Variants in FARS2 observed in about 807,000 individuals in gnomAD.
The protein encoded by FARS2 is phenylalanine--tRNA ligase, mitochondrial.
In FARS2, 40 loss-of-function variants were observed where a neutral mutation model predicts 46.4. The ratio of observed to expected loss-of-function variants is 0.86; its 90% CI spans 0.67 to 1.12. The LOEUF is 1.12. FARS2 is among the 50% of genes most tolerant of loss of function. The pLI, the probability that FARS2 is intolerant of heterozygous loss-of-function variation, is 0.00. For synonymous variants in FARS2, 234 were observed against 214.9 expected (o/e 1.09, Z -0.78); for missense variants, 513 against 567.9 (o/e 0.90, Z 0.98).
chr6:5,723,146 G>C (rs1250193232), intron 6 of FARS2, among the ~76,000 whole-genome samples: 1 of 152,096 alleles, frequency 6.6e-6, no homozygotes, highest in Non-Finnish European at 1.5e-5. Flanking sequence ...GTAAGGGTGA[G>C]TGAGTGAAGG....
intron 4 of FARS2, among the ~76,000 whole-genome samples, chr6:5,520,240 C>T (rs1769049074): frequency 6.6e-6 from 1 of 152,038 alleles, no homozygotes; most frequent in Non-Finnish European, 1.5e-5. Context: ...TTTCTAGGTT[C>T]CTGAGGCCCC....
In FARS2 at chr6:5,361,751, T is replaced by C. The variant is rs77603487; in HGVS notation, c.-21-6799T>C. Among the ~76,000 whole-genome samples, 240 of 152,354 alleles carry C rather than the reference T, an allele frequency of 1.6e-3. 1 individual carries two copies. The highest frequency in any genetic ancestry group is 5.7e-3 in the African/African-American group (236 of 41,592). On this transcript the variant is annotated intron_variant, in intron 1 of 6. Transcript: ENST00000274680. ...AGTATTGCATCTGGTGGTTATGGAT[T>C]GTGCTTGAACACTTTTGTCTAGTGG...
At chr6:5,348,427 A>G (rs918836860) in intron 1 of FARS2, among the ~76,000 whole-genome samples, 1 of 146,616 alleles carries the variant, frequency 6.8e-6, no homozygotes, top group South Asian at 2.2e-4. Flanking sequence ...CTTACTGGCC[A>G]TTTCCCAAAT....
At chr6:5,549,349 A>C (rs1007283745) in intron 5 of FARS2, among the ~76,000 whole-genome samples, 2 of 152,154 alleles carry the variant, frequency 1.3e-5, no homozygotes, top group African/African-American at 2.4e-5. Context: ...ACTCCACGAC[A>C]GACCCTGGTG....
intron 6 of FARS2, among the ~76,000 whole-genome samples, chr6:5,744,058 G>T (rs761291734): frequency 6.6e-6 from 1 of 152,204 alleles, no homozygotes; most frequent in Middle Eastern, 3.2e-3. Context: ...AGACAGGATT[G>T]GTTTAGGAAC....
chr6:5,510,684 C>T (rs943251747), intron 4 of FARS2, among the ~76,000 whole-genome samples: 3 of 152,322 alleles, frequency 2.0e-5, no homozygotes, highest in East Asian at 1.9e-4. Flanking sequence ...GAAGCGAGTA[C>T]GTGAGTGCTG....
chr6:5,329,717 C>G (rs1244675284), intron 1 of FARS2, among the ~76,000 whole-genome samples: 1 of 152,192 alleles, frequency 6.6e-6, no homozygotes, highest in East Asian at 1.9e-4. Context: ...ATCGTACTTA[C>G]TATTAACAGT....
chr6:5,465,395 A>G (rs1765456857), intron 4 of FARS2, among the ~76,000 whole-genome samples: 1 of 152,244 alleles, frequency 6.6e-6, no homozygotes, highest in African/African-American at 2.4e-5. Context: ...TGTTAATACT[A>G]GTTTAAAGTT....
At chr6:5,611,797 A>G (rs1775200932) in intron 5 of FARS2, among the ~76,000 whole-genome samples, 1 of 152,114 alleles carries the variant, frequency 6.6e-6, no homozygotes, top group South Asian at 2.1e-4. Context: ...CACGTGTTTC[A>G]TTGGGACACC....
chr6:5,293,605 T>C (rs1767649502), intron 1 of FARS2, among the ~76,000 whole-genome samples: 1 of 152,242 alleles, frequency 6.6e-6, no homozygotes, highest in South Asian at 2.1e-4. Context: ...AGAAAAGTTA[T>C]TATTTAATAA....
At chr6:5,640,323 G>A (rs376320531) in intron 6 of FARS2, among the ~76,000 whole-genome samples, 1 of 152,106 alleles carries the variant, frequency 6.6e-6, no homozygotes, top group Non-Finnish European at 1.5e-5. Context: ...AAGGTCTCAC[G>A]GCCATTAAGC....
intron 2 of FARS2, among the ~76,000 whole-genome samples, chr6:5,372,209 A>C (rs1476739315): frequency 6.6e-6 from 1 of 152,182 alleles, no homozygotes; most frequent in Non-Finnish European, 1.5e-5. Context: ...AGAAGATTTT[A>C]AGTGACCTTG....
intron 6 of FARS2, among the ~76,000 whole-genome samples, chr6:5,692,961 G>A (rs1057073664): frequency 6.6e-6 from 1 of 152,110 alleles, no homozygotes; most frequent in Non-Finnish European, 1.5e-5. Context: ...CAGAAATGAG[G>A]ATCCTTATAG....
At chr6:5,267,940 T>G (rs1765663063) in intron 1 of FARS2, among the ~76,000 whole-genome samples, 1 of 152,004 alleles carries the variant, frequency 6.6e-6, no homozygotes, top group African/African-American at 2.4e-5. Context: ...GATTTGCATT[T>G]CTCTGATGGC....
chr6:5,300,489 C>A (rs1375533105), intron 1 of FARS2, among the ~76,000 whole-genome samples: 1 of 151,818 alleles, frequency 6.6e-6, no homozygotes, highest in Non-Finnish European at 1.5e-5. Context: ...AATTTCATGA[C>A]GGTTGTGGGG....
intron 3 of FARS2, among the ~76,000 whole-genome samples, chr6:5,425,877 A>G (rs749642353): frequency 1.3e-5 from 2 of 152,198 alleles, no homozygotes; most frequent in Non-Finnish European, 2.9e-5. Context: ...CTGGGCTCCC[A>G]CAGGGTCTTT....
upstream of FARS2, among the ~76,000 whole-genome samples, chr6:5,256,215 C>T (rs557467406): frequency 6.6e-5 from 10 of 151,970 alleles, no homozygotes; most frequent in East Asian, 5.8e-4. Flanking sequence ...CTTGGCCAGG[C>T]GCGGTGGCTC....
At position 5,764,435 on chromosome 6, in the gene FARS2, C is replaced by T. The variant is rs968354951; in HGVS notation, c.1218-6856C>T. On this transcript the variant is annotated intron_variant, in intron 6 of 6. Coordinates refer to ENST00000274680, the MANE Select transcript of FARS2 (RefSeq NM_006567.5). This position sits in a 1 kb window ranked among gnomAD's most constrained non-coding sequence, Gnocchi z 4.1. Reference sequence around the variant, plus strand: ...CTAAAGCATTGCACGTATTGACCCTCGCAGCCATGCACAGTGCCTCTGACG... The same window carrying T: ...CTAAAGCATTGCACGTATTGACCCTTGCAGCCATGCACAGTGCCTCTGACG... 2.6e-5 allele frequency among the ~76,000 whole-genome samples: 4 copies of T among 152,108 alleles called. No individual in the cohort carries two copies. Among genetic ancestry groups the T allele is most frequent in the Non-Finnish European group, 5.9e-5 (4 of 68,024 alleles).
intron 1 of FARS2, among the ~76,000 whole-genome samples, chr6:5,268,931 T>G (rs1765744973): frequency 6.6e-6 from 1 of 152,120 alleles, no homozygotes; most frequent in African/African-American, 2.4e-5. Flanking sequence ...CCCTTGTAGG[T>G]TGGATTCCTA....
Sources: gnomAD v4.1 joint callset for allele counts (sites outside exome capture counted in the v4.1 genomes callset) on GRCh38, gnomAD v4.1.1 for gene constraint, Gnocchi (gnomAD v3.1) non-coding constraint, MANE v1.5 for transcripts, NCBI Gene and HGNC (gene_info 2026-07-23, HGNC 2026-07-21) for gene names.